The following KIF13A variants were observed in gnomAD, a reference collection of about 807,000 sequenced individuals.
The protein encoded by KIF13A is kinesin-like protein KIF13A.
Under a neutral mutation model 212.2 loss-of-function variants are expected in KIF13A, and 79 were observed. The ratio of observed to expected loss-of-function variants is 0.37; its 90% confidence interval spans 0.31 to 0.45. The LOEUF (loss-of-function observed/expected upper bound fraction) is 0.45. KIF13A is among the 20% of genes least tolerant of loss of function. KIF13A has a pLI of 1.00. For missense variants in KIF13A, 1,901 were observed against 2,209.0 expected (o/e 0.86, Z 2.79); for synonymous variants, 789 against 808.6 (o/e 0.98, Z 0.41).
chr6:17,926,185 A>G lies in KIF13A; in HGVS notation c.147-28005T>C, dbSNP rs1461496054. Reference sequence around the variant, plus strand: ...TTAATATATAGAGTGACCAACATTCAGTTCTTGTAAACTTCCACGAATTCC... The same window carrying G: ...TTAATATATAGAGTGACCAACATTCGGTTCTTGTAAACTTCCACGAATTCC... On this transcript the variant is annotated intron_variant, in intron 2 of 38. Transcript: ENST00000259711. This position sits in a 1 kb window ranked among gnomAD's most constrained non-coding sequence, Gnocchi z 4.3. 6.6e-6 allele frequency among the ~76,000 whole-genome samples: 1 copy of G among 152,160 alleles called. No homozygotes were observed.
chr6:17,874,422 C>A (rs986524711), intron 3 of KIF13A, among the ~76,000 whole-genome samples: 2 of 150,994 alleles, frequency 1.3e-5, no homozygotes, highest in Admixed American at 1.3e-4. Context: ...GTAAAAGTAT[C>A]TCTTCATATT....
In KIF13A at chr6:17,964,899, T is replaced by C. The variant is rs147855767; in HGVS notation, c.146+22155A>G. Among the ~76,000 whole-genome samples, 88 of 150,714 alleles carry C rather than the reference T, an allele frequency of 5.8e-4. 1 individual carries two copies. The highest frequency in any genetic ancestry group is 4.2e-3 in the South Asian group (20 of 4,736). ...GTGTAGTGGTGTGATCTCGGCCCAA[T>C]GCAACCTCTGACTCCCTGGTTCAAG... On this transcript the variant is annotated intron_variant, in intron 2 of 38. Coordinates refer to ENST00000259711, the MANE Select transcript of KIF13A (RefSeq NM_022113.6).
In KIF13A at chr6:17,871,412, A is replaced by C. The variant is rs1241894408; in HGVS notation, c.220+1965T>G. Among the ~76,000 whole-genome samples, 3 of 152,132 alleles carry C rather than the reference A, an allele frequency of 2.0e-5. No homozygotes were observed. Among genetic ancestry groups the C allele is most frequent in the Non-Finnish European group, 2.9e-5 (2 of 68,030 alleles). ...TCCTTGGATTTTATGTAACACTTAA[A>C]ATCTATAAAATTTAGAGTTTAAATA... On this transcript the variant is annotated intron_variant, in intron 4 of 38. Transcript: ENST00000259711. The surrounding 1 kb of genome is among the most constrained non-coding windows in gnomAD (Gnocchi z 4.4).
intron 2 of KIF13A, among the ~76,000 whole-genome samples, chr6:17,946,848 A>G (rs1303342076): frequency 6.6e-6 from 1 of 152,262 alleles, no homozygotes; most frequent in Non-Finnish European, 1.5e-5. Flanking sequence ...ACAATGGAAT[A>G]CCATGCAACA....
At position 17,777,383 on chromosome 6, in the gene KIF13A, CTTTT is replaced by C; in HGVS notation, c.4093-33_4093-30del. 5.3e-6 allele frequency: 7 copies of C among 1,319,570 alleles called. No homozygotes were observed. Among genetic ancestry groups the C allele is most frequent in the East Asian group, 5.3e-5 (2 of 37,880 alleles). The allele number at this position is 1,319,570 out of a possible 1,614,324, so 81.7% of individuals were successfully genotyped here. ...TAAACATAATAATTTGAAAATAACA[CTTTT>C]TTTTTTTTTCCCCAGAGACAGAGTC... On this transcript the variant is annotated intron_variant, in intron 33 of 38. Transcript: ENST00000259711. The surrounding 1 kb of genome is among the most constrained non-coding windows in gnomAD (Gnocchi z 4.4).
At chr6:17,854,063 A>G (rs1447380792) in intron 6 of KIF13A, among the ~76,000 whole-genome samples, 3 of 152,328 alleles carry the variant, frequency 2.0e-5, no homozygotes, top group East Asian at 3.9e-4. Context: ...GCTTCTTAAG[A>G]GTAAATATAA....
intron 22 of KIF13A, among the ~76,000 whole-genome samples, chr6:17,797,593 C>T (rs1762154079): frequency 2.0e-5 from 3 of 152,082 alleles, no homozygotes; most frequent in African/African-American, 7.2e-5. Context: ...TACCCTATTT[C>T]CTCTTTCCAA....
At chr6:17,859,638 A>ATTTTTT (rs1176958380) in intron 4 of KIF13A, among the ~76,000 whole-genome samples, 1 of 111,858 alleles carries the variant, frequency 8.9e-6, no homozygotes, top group Non-Finnish European at 1.8e-5. Flanking sequence ...ATATATATAT[A>ATTTTTT]TTTTTTTTTT....
intron 2 of KIF13A, among the ~76,000 whole-genome samples, chr6:17,977,269 A>AT (rs1046841222): frequency 1.3e-5 from 2 of 152,144 alleles, no homozygotes; most frequent in Non-Finnish European, 2.9e-5. Flanking sequence ...ATACAAAATC[A>AT]TTTTTACCAT....
In KIF13A at chr6:17,783,930, C is replaced by T. The variant is rs543523116; in HGVS notation, c.3489-229G>A. On this transcript the variant is annotated intron_variant, in intron 28 of 38. Transcript: ENST00000259711. The surrounding 1 kb of genome is among the most constrained non-coding windows in gnomAD (Gnocchi z 4.3). Reference sequence around the variant, plus strand: ...ATGAGTTACATGTAATTAATTGAAACAAAGATGATTTTAAGCCTTTCTAAA... The same window carrying T: ...ATGAGTTACATGTAATTAATTGAAATAAAGATGATTTTAAGCCTTTCTAAA... Among the ~76,000 whole-genome samples, 1 of 152,058 alleles carries T rather than the reference C, an allele frequency of 6.6e-6. No homozygotes were observed. The highest frequency in any genetic ancestry group is 1.9e-4 in the East Asian group (1 of 5,158).
At chr6:17,944,279 T>C (rs1777195588) in intron 2 of KIF13A, among the ~76,000 whole-genome samples, 1 of 152,204 alleles carries the variant, frequency 6.6e-6, no homozygotes, top group Admixed American at 6.5e-5. Context: ...AATTGATCCA[T>C]ACACACTCAA....
chr6:17,844,974 A>G (rs965392461), intron 9 of KIF13A, among the ~76,000 whole-genome samples: 1 of 152,150 alleles, frequency 6.6e-6, no homozygotes, highest in African/African-American at 2.4e-5. Flanking sequence ...GTATTAGTCC[A>G]TTTTCATGCT....
chr6:17,902,785 A>T (rs542916856), intron 2 of KIF13A, among the ~76,000 whole-genome samples: 4 of 152,228 alleles, frequency 2.6e-5, no homozygotes, highest in Non-Finnish European at 5.9e-5. Flanking sequence ...AACTGTCTGC[A>T]TTTGAGTCTC....
chr6:17,781,263 G>A lies in KIF13A; in HGVS notation c.3583C>T (p.His1195Tyr). The A allele has an allele frequency of 2.5e-6, 4 of 1,613,166 alleles. No homozygotes were observed. Among genetic ancestry groups the A allele is most frequent in the East Asian group, 2.2e-5 (1 of 44,864 alleles). The change falls in exon 30 of 39, where the codon CAT (histidine) becomes TAT (tyrosine). Residue 1195 changes from histidine to tyrosine, a missense_variant. Coordinates refer to ENST00000259711, the MANE Select transcript of KIF13A (RefSeq NM_022113.6). ...AGGATGGAGTTCACGCCGGATGCAT[G>A]GGGGCCAACAAGCTGCTCATTGGCA... ...LSANEQLVGPHASGVNSILPK... is the reference protein window; with the variant it reads ...LSANEQLVGPYASGVNSILPK...
At position 17,851,958 on chromosome 6, in the gene KIF13A, A is replaced by G; in HGVS notation, c.579T>C (p.Phe193=). The G allele has an allele frequency of 1.3e-6, 2 of 1,500,006 alleles. No homozygotes were observed. Among genetic ancestry groups the G allele is most frequent in the Non-Finnish European group, 1.8e-6 (2 of 1,124,328 alleles). The allele number at this position is 1,500,006 out of a possible 1,614,324, so 92.9% of individuals were successfully genotyped here. The change falls in exon 7 of 39, where the codon TTT becomes TTC. Residue 193 remains phenylalanine (F), a synonymous_variant. Transcript: ENST00000259711. ...DGLSQLAVTS[F]EDIESLMSEG... The stretch of plus-strand genomic sequence containing the variant: ...CATTTTAAAAAAAATGACTTACCTC[A>G]AAACTAGTGACAGCTAGTTGAGATA...
At chr6:17,904,852 C>T (rs1773357872) in intron 2 of KIF13A, among the ~76,000 whole-genome samples, 1 of 152,238 alleles carries the variant, frequency 6.6e-6, no homozygotes, top group South Asian at 2.1e-4. Flanking sequence ...TATTAAAATA[C>T]TTTATTAATT....
At chr6:17,862,434 A>G (rs1227645135) in intron 4 of KIF13A, among the ~76,000 whole-genome samples, 1 of 152,170 alleles carries the variant, frequency 6.6e-6, no homozygotes, top group Non-Finnish European at 1.5e-5. Flanking sequence ...GCAAAGAAAA[A>G]TTATCTAGTT....
rs1262564619 is a variant in KIF13A, at chr6:17,961,044, T to C, written c.146+26010A>G. On this transcript the variant is annotated intron_variant, in intron 2 of 38. Transcript: ENST00000259711. The surrounding 1 kb of genome is among the most constrained non-coding windows in gnomAD (Gnocchi z 4.1). Reference sequence around the variant, plus strand: ...GCAGATTAACAAGTACATAAAAATATGGTTAAAATTATCTACATAATATTA... The same window carrying C: ...GCAGATTAACAAGTACATAAAAATACGGTTAAAATTATCTACATAATATTA... Among the ~76,000 whole-genome samples, 2 of 152,208 alleles carry C rather than the reference T, an allele frequency of 1.3e-5. No individual in the cohort carries two copies. Among genetic ancestry groups the C allele is most frequent in the Non-Finnish European group, 2.9e-5 (2 of 68,040 alleles).
chr6:17,813,948 C>CTTTT (rs36144211), intron 17 of KIF13A, among the ~76,000 whole-genome samples: 4 of 90,734 alleles, frequency 4.4e-5, no homozygotes, highest in Non-Finnish European at 6.2e-5. Context: ...TAAGGTGCTG[C>CTTTT]TTTTTTTTTT....
Sources: gnomAD v4.1 joint callset for allele counts (sites outside exome capture counted in the v4.1 genomes callset) on GRCh38, gnomAD v4.1.1 for gene constraint, Gnocchi (gnomAD v3.1) non-coding constraint, MANE v1.5 for transcripts, NCBI Gene and HGNC (gene_info 2026-07-23, HGNC 2026-07-21) for gene names.